Variants in MRC1 observed in about 807,000 individuals in gnomAD.
MRC1 encodes the protein macrophage mannose receptor 1.
A neutral mutation model predicts 102.9 loss-of-function variants in MRC1; 62 were observed. That is an observed-to-expected ratio of 0.60 (90% confidence interval 0.49 to 0.74). MRC1 has a LOEUF of 0.74. MRC1 is among the 30% of genes least tolerant of loss of function. The pLI is 0.00. For missense variants in MRC1, 1,237 were observed against 862.8 expected (o/e 1.43, Z -5.43); for synonymous variants, 457 against 298.4 (o/e 1.53, Z -5.48).
intron 22 of MRC1, among the ~76,000 whole-genome samples, chr10:17,892,708 T>A (rs1833696613): frequency 6.6e-6 from 1 of 152,146 alleles, no homozygotes; most frequent in African/African-American, 2.4e-5. Context: ...ATTGATATAG[T>A]CACCATAAAT....
At chr10:17,835,457 T>C (rs1200218267) in intron 4 of MRC1, among the ~76,000 whole-genome samples, 4 of 152,184 alleles carry the variant, frequency 2.6e-5, no homozygotes, top group African/African-American at 9.7e-5. Context: ...AAGAAACAGA[T>C]GTAAACAAGA....
intron 15 of MRC1, among the ~76,000 whole-genome samples, chr10:17,873,142 A>G (rs1440827486): frequency 6.6e-6 from 1 of 152,200 alleles, no homozygotes; most frequent in Non-Finnish European, 1.5e-5. Flanking sequence ...GAGTCCCTTT[A>G]TCAGCTTTCA....
intron 19 of MRC1, 69 bp from the exon 20 acceptor site, chr10:17,880,456 A>C: frequency 1.3e-6 from 1 of 765,934 alleles, no homozygotes; most frequent in Admixed American, 1.7e-5. Context: ...AAATAGAAAT[A>C]TATTTTTTAA....
chr10:17,853,952 T>TTTG (rs1554840724), intron 8 of MRC1, among the ~76,000 whole-genome samples: 1 of 151,866 alleles, frequency 6.6e-6, no homozygotes, highest in Admixed American at 6.6e-5. Flanking sequence ...GGTTTTTTTT[T>TTTG]TTGTTGTTGT....
intron 1 of MRC1, among the ~76,000 whole-genome samples, chr10:17,811,916 G>T (rs961463254): frequency 1.3e-5 from 2 of 151,948 alleles, no homozygotes; most frequent in South Asian, 2.1e-4. Flanking sequence ...TTCTTGGCCC[G>T]AGAAGCATGT....
chr10:17,903,967 A>G (rs1833864153), intron 26 of MRC1, among the ~76,000 whole-genome samples: 1 of 152,034 alleles, frequency 6.6e-6, no homozygotes, highest in African/African-American at 2.4e-5. Flanking sequence ...AAAGAAAAAA[A>G]TCTGGTTCAT....
At chr10:17,902,830 G>A (rs1322549602) in intron 26 of MRC1, among the ~76,000 whole-genome samples, 7 of 152,144 alleles carry the variant, frequency 4.6e-5, no homozygotes, top group African/African-American at 7.2e-5. Context: ...TATCTTAGCC[G>A]ATGAGGTTTA....
chr10:17,872,520 A>G (rs1833368786), intron 15 of MRC1, among the ~76,000 whole-genome samples: 1 of 152,214 alleles, frequency 6.6e-6, no homozygotes, highest in Non-Finnish European at 1.5e-5. Flanking sequence ...ACATTTCCCC[A>G]AGTCTGAATA....
chr10:17,860,177 T>G (rs1464898449), intron 9 of MRC1, among the ~76,000 whole-genome samples: 1 of 152,202 alleles, frequency 6.6e-6, no homozygotes, highest in Non-Finnish European at 1.5e-5. Context: ...GCTTTTAGTA[T>G]TCTACTAAAT....
chr10:17,890,235 C>G (rs1833654031), intron 22 of MRC1, among the ~76,000 whole-genome samples: 2 of 151,716 alleles, frequency 1.3e-5, no homozygotes, highest in African/African-American at 4.8e-5. Flanking sequence ...TTTCGTCTGG[C>G]TTCTTTCAAG....
intron 12 of MRC1, among the ~76,000 whole-genome samples, chr10:17,867,345 C>T (rs1204716354): frequency 7.2e-6 from 1 of 139,320 alleles, no homozygotes; most frequent in African/African-American, 2.8e-5. Flanking sequence ...CCTCCTCCTC[C>T]TCTTCTTCTT....
intron 3 of MRC1, 118 bp from the exon 4 acceptor site, chr10:17,833,553 AAAAG>A (rs1838614222): frequency 1.4e-6 from 1 of 727,300 alleles, no homozygotes; most frequent in African/African-American, 1.8e-5. Context: ...AAGGGGGAAA[AAAAG>A]AAAGGAAAGA....
chr10:17,855,023 G>T (rs931756465), intron 8 of MRC1, among the ~76,000 whole-genome samples: 1 of 152,102 alleles, frequency 6.6e-6, no homozygotes, highest in African/African-American at 2.4e-5. Context: ...GTTTAGCAGC[G>T]AAGGGAAGGA....
intron 20 of MRC1, 36 bp from the exon 21 acceptor site, chr10:17,881,031 G>T (rs1390543342): frequency 1.3e-6 from 1 of 779,642 alleles, no homozygotes; most frequent in African/African-American, 1.7e-5. Context: ...AACCCCTGCA[G>T]TTTTTCTTTT....
chr10:17,828,137 T>C lies in MRC1; in HGVS notation c.637+422T>C, dbSNP rs1016947742. ...TGTCTCCCAGGCTGGAGTGTGGTGG[T>C]GCGATCTCCACTCACTGCAAGCTCC... On this transcript the variant is annotated intron_variant, in intron 3 of 29. Transcript: ENST00000569591. Among the ~76,000 whole-genome samples the C allele has an allele frequency of 3.9e-5, 6 of 152,302 alleles. No individual in the cohort carries two copies. In the East Asian group the frequency reaches 7.7e-4, roughly 20 times the overall value.
intron 9 of MRC1, among the ~76,000 whole-genome samples, chr10:17,859,071 A>T (rs1156325788): frequency 6.6e-6 from 1 of 152,058 alleles, no homozygotes; most frequent in African/African-American, 2.4e-5. Context: ...TGAAACCCTG[A>T]TTACTATATT....
intron 22 of MRC1, among the ~76,000 whole-genome samples, chr10:17,893,746 G>A (rs1833713480): frequency 1.3e-5 from 2 of 152,142 alleles, no homozygotes; most frequent in Non-Finnish European, 2.9e-5. Flanking sequence ...AAACTTTCTG[G>A]CTATACCAGC....
At chr10:17,851,841 G>C (rs1266749226) in intron 7 of MRC1, among the ~76,000 whole-genome samples, 1 of 152,338 alleles carries the variant, frequency 6.6e-6, no homozygotes, top group East Asian at 1.9e-4. Flanking sequence ...AGGCCAGCTA[G>C]AGACTTCTCC....
At chr10:17,894,128 G>T (rs906049055) in intron 22 of MRC1, 82 bp from the exon 23 acceptor site, 78 of 842,462 alleles carry the variant, frequency 9.3e-5, no homozygotes, top group Middle Eastern at 2.5e-4. Context: ...GATAATGAAA[G>T]ATTTTTTTGC....
Sources: allele counts gnomAD v4.1 joint callset (sites outside exome capture counted in the v4.1 genomes callset), GRCh38; gene constraint gnomAD v4.1.1; transcripts MANE v1.5; gene names NCBI Gene and HGNC (gene_info 2026-07-23, HGNC 2026-07-21).